Variants in ZNF475 observed in about 807,000 individuals in gnomAD.
The protein encoded by ZNF475 is zinc finger protein 475.
chr5:122,166,661 T>C, the ZNF475 span, among the ~76,000 whole-genome samples: 3 of 152,200 alleles, frequency 2.0e-5, no homozygotes, highest in South Asian at 6.2e-4. Flanking sequence ...CTACAAAGGA[T>C]ATGAACTCAT....
At chr5:122,163,798 C>T in the ZNF475 span, among the ~76,000 whole-genome samples, 1 of 152,210 alleles carries the variant, frequency 6.6e-6, no homozygotes, top group Admixed American at 6.5e-5. Flanking sequence ...TTACTGTGTG[C>T]ACAGCGTCTT....
At chr5:122,182,300 T>A in the ZNF475 span, among the ~76,000 whole-genome samples, 1 of 152,228 alleles carries the variant, frequency 6.6e-6, no homozygotes. Flanking sequence ...GCCCTTTCTT[T>A]TTTGGAGGCA....
the ZNF475 span, among the ~76,000 whole-genome samples, chr5:122,169,178 C>T: frequency 6.6e-6 from 1 of 152,150 alleles, no homozygotes; most frequent in East Asian, 1.9e-4. Context: ...TTGAAAGGGT[C>T]GTGTTGTTTA....
chr5:122,182,181 T>A, the ZNF475 span, among the ~76,000 whole-genome samples: 1 of 152,220 alleles, frequency 6.6e-6, no homozygotes. Context: ...TAGTGAAGAA[T>A]GCATATCATA....
At chr5:122,162,226 A>G in the ZNF475 span, 1 of 152,372 alleles carries the variant, frequency 6.6e-6, no homozygotes, top group East Asian at 1.9e-4. Flanking sequence ...TCTTAGGTTA[A>G]AAGGAACAAA....
the ZNF475 span, among the ~76,000 whole-genome samples, chr5:122,169,489 G>A: frequency 2.0e-5 from 3 of 152,206 alleles, no homozygotes; most frequent in Non-Finnish European, 4.4e-5. Context: ...ATTGAGGACT[G>A]TGGCCTCTAG....
chr5:122,169,191 A>G, the ZNF475 span, among the ~76,000 whole-genome samples: 8 of 152,208 alleles, frequency 5.3e-5, no homozygotes, highest in African/African-American at 1.9e-4. Flanking sequence ...GTTGTTTAGC[A>G]GCTTGGCTGA....
the ZNF475 span, chr5:122,179,671 T>G: frequency 6.5e-7 from 1 of 1,534,944 alleles, no homozygotes; most frequent in Non-Finnish European, 8.7e-7. Context: ...GAAAACAACT[T>G]GTTGCCTAAA....
At chr5:122,177,186 G>A in the ZNF475 span, among the ~76,000 whole-genome samples, 5 of 152,166 alleles carry the variant, frequency 3.3e-5, no homozygotes, top group Middle Eastern at 3.2e-3. Context: ...GTATTTATTC[G>A]CTAACTCTCA....
At chr5:122,179,048 G>C in the ZNF475 span, among the ~76,000 whole-genome samples, 9 of 152,254 alleles carry the variant, frequency 5.9e-5, no homozygotes, top group African/African-American at 2.2e-4. Context: ...GATGGTTGTA[G>C]ATGTGTGGCA....
At chr5:122,163,011 A>G in the ZNF475 span, 1 of 152,262 alleles carries the variant, frequency 6.6e-6, no homozygotes, top group African/African-American at 2.4e-5. Context: ...GATTCAGATC[A>G]TAGATGCACA....
At chr5:122,175,702 T>C in the ZNF475 span, among the ~76,000 whole-genome samples, 1 of 152,226 alleles carries the variant, frequency 6.6e-6, no homozygotes, top group South Asian at 2.1e-4. Context: ...CTCTAACTTT[T>C]CCTTTTTCCC....
At chr5:122,160,552 C>T in the ZNF475 span, among the ~76,000 whole-genome samples, 38 of 152,156 alleles carry the variant, frequency 2.5e-4, no homozygotes, top group Non-Finnish European at 2.9e-5. Flanking sequence ...ATAGATACAA[C>T]TACATCTCCC....
chr5:122,180,421 C>A, the ZNF475 span, among the ~76,000 whole-genome samples: 1 of 152,356 alleles, frequency 6.6e-6, no homozygotes, highest in African/African-American at 2.4e-5. Context: ...CACATTTAAT[C>A]ATTTGTAAAG....
the ZNF475 span, chr5:122,162,439 A>ACTT: frequency 1.3e-5 from 2 of 152,254 alleles, no homozygotes; most frequent in Non-Finnish European, 2.9e-5. Context: ...CTAGACAATC[A>ACTT]AACTCTGCAA....
chr5:122,182,132 T>C, the ZNF475 span, among the ~76,000 whole-genome samples: 4 of 152,244 alleles, frequency 2.6e-5, no homozygotes, highest in Non-Finnish European at 5.9e-5. Flanking sequence ...AAAAGTTATA[T>C]TTGCAAAATA....
At chr5:122,171,236 G>T in the ZNF475 span, among the ~76,000 whole-genome samples, 1 of 152,096 alleles carries the variant, frequency 6.6e-6, no homozygotes, top group African/African-American at 2.4e-5. Flanking sequence ...ACCCAATCCA[G>T]ATTAGCTTTT....
At chr5:122,160,440 G>C in the ZNF475 span, among the ~76,000 whole-genome samples, 2 of 152,110 alleles carry the variant, frequency 1.3e-5, no homozygotes, top group Non-Finnish European at 2.9e-5. Context: ...AAAATTTAAA[G>C]GATAATACTC....
At chr5:122,179,796 A>C in the ZNF475 span, 4 of 1,164,360 alleles carry the variant, frequency 3.4e-6, no homozygotes, top group Non-Finnish European at 4.5e-6. Context: ...TAATAAGAGC[A>C]GAAGTATTCT....
Sources: allele counts gnomAD v4.1 joint callset (sites outside exome capture counted in the v4.1 genomes callset), GRCh38; gene constraint gnomAD v4.1.1; transcripts MANE v1.5; gene names NCBI Gene and HGNC (gene_info 2026-07-23, HGNC 2026-07-21).